Variants in FCHSD2 observed in about 807,000 individuals in gnomAD.
FCHSD2 encodes FCH and double SH3 domains 2, also known as F-BAR and double SH3 domains protein 2.
A neutral mutation model predicts 108.1 loss-of-function variants in FCHSD2; 38 were observed. That is an observed-to-expected ratio of 0.35 (90% CI 0.27 to 0.46). FCHSD2 has a LOEUF of 0.46. Ranked by LOEUF, FCHSD2 falls within the 20% of genes least tolerant of loss-of-function variation. FCHSD2 has a pLI of 1.00. For synonymous variants in FCHSD2, 279 were observed against 314.7 expected, an observed-to-expected ratio of 0.89 and a Z score of 1.20; for missense variants, 751 against 897.8, an observed-to-expected ratio of 0.84 and a Z score of 2.09.
At chr11:72,867,538 G>T (rs1854754753) in intron 13 of FCHSD2, among the ~76,000 whole-genome samples, 1 of 152,082 alleles carries the variant, frequency 6.6e-6, no homozygotes, top group Admixed American at 6.5e-5. Context: ...GAGAACTTCA[G>T]AGACACTAGA....
intron 8 of FCHSD2, among the ~76,000 whole-genome samples, chr11:72,946,606 C>T (rs1030684343): frequency 4.6e-5 from 7 of 152,048 alleles, no homozygotes; most frequent in African/African-American, 1.2e-4. Context: ...TCAATACCTG[C>T]CAATATCCTC....
chr11:73,104,172 G>A (rs1237183716), intron 2 of FCHSD2, among the ~76,000 whole-genome samples: 1 of 152,236 alleles, frequency 6.6e-6, no homozygotes, highest in Non-Finnish European at 1.5e-5. Flanking sequence ...CTTGGCATTA[G>A]TGAGAAACAC....
intron 3 of FCHSD2, among the ~76,000 whole-genome samples, chr11:73,067,844 A>G (rs1859333226): frequency 6.6e-6 from 1 of 152,212 alleles, no homozygotes; most frequent in African/African-American, 2.4e-5. Flanking sequence ...GCATTAGTCC[A>G]TTTTCACACT....
intron 3 of FCHSD2, among the ~76,000 whole-genome samples, chr11:73,058,158 C>T (rs975906312): frequency 7.2e-5 from 11 of 152,088 alleles, no homozygotes; most frequent in African/African-American, 2.7e-4. Flanking sequence ...GGATTACAGG[C>T]GTGAGCCACT....
chr11:72,883,718 C>T (rs1485966537), intron 12 of FCHSD2, among the ~76,000 whole-genome samples: 1 of 152,074 alleles, frequency 6.6e-6, no homozygotes, highest in African/African-American at 2.4e-5. Flanking sequence ...GATTGCTTGA[C>T]CCACGAGTTT....
intron 12 of FCHSD2, among the ~76,000 whole-genome samples, chr11:72,877,643 T>C (rs1242966237): frequency 1.3e-5 from 2 of 152,242 alleles, no homozygotes; most frequent in Non-Finnish European, 2.9e-5. Flanking sequence ...TTCAATAGTT[T>C]ACTATTAATA....
chr11:72,847,432 C>T (rs562995711), intron 14 of FCHSD2, among the ~76,000 whole-genome samples: 41 of 152,296 alleles, frequency 2.7e-4, no homozygotes, highest in African/African-American at 9.4e-4. Context: ...TGGGCATTGT[C>T]CTAGGGGCTG....
intron 9 of FCHSD2, among the ~76,000 whole-genome samples, chr11:72,907,137 G>T (rs1256387940): frequency 1.3e-5 from 2 of 151,968 alleles, no homozygotes; most frequent in Non-Finnish European, 2.9e-5. Flanking sequence ...TCATTATTTG[G>T]CTCTCTATTA....
chr11:72,883,900 C>T (rs1292412600), intron 12 of FCHSD2, among the ~76,000 whole-genome samples: 2 of 150,710 alleles, frequency 1.3e-5, no homozygotes, highest in East Asian at 1.9e-4. Flanking sequence ...CCACTGCACT[C>T]CAGCCTGGGT....
At chr11:73,064,979 A>G (rs2135491995) in intron 3 of FCHSD2, among the ~76,000 whole-genome samples, 1 of 152,296 alleles carries the variant, frequency 6.6e-6, no homozygotes, top group African/African-American at 2.4e-5. Context: ...ACAATAGAAA[A>G]AGAGGGAATC....
intron 12 of FCHSD2, among the ~76,000 whole-genome samples, chr11:72,876,285 C>A (rs1350126608): frequency 2.0e-5 from 3 of 152,144 alleles, no homozygotes; most frequent in Non-Finnish European, 4.4e-5. Flanking sequence ...AGTTGTGCCA[C>A]TGCAGTCCAG....
intron 2 of FCHSD2, among the ~76,000 whole-genome samples, chr11:73,090,128 G>A (rs1430327515): frequency 1.3e-5 from 2 of 149,622 alleles, no homozygotes; most frequent in Non-Finnish European, 3.0e-5. Flanking sequence ...AAGATCTAAT[G>A]TTAAGTAAAC....
chr11:73,072,900 T>G (rs573617798), intron 3 of FCHSD2, among the ~76,000 whole-genome samples: 3 of 152,148 alleles, frequency 2.0e-5, no homozygotes, highest in African/African-American at 7.2e-5. Flanking sequence ...AGAGTAAAAA[T>G]AGCAAAAAAT....
At chr11:73,056,060 T>TA (rs1180028103) in intron 3 of FCHSD2, among the ~76,000 whole-genome samples, 1 of 151,916 alleles carries the variant, frequency 6.6e-6, no homozygotes, top group Non-Finnish European at 1.5e-5. Context: ...CCCCACCCCA[T>TA]AAAAAAAACT....
intron 4 of FCHSD2, among the ~76,000 whole-genome samples, chr11:73,004,908 T>TGGCAG (rs1306779580): frequency 6.6e-6 from 1 of 152,188 alleles, no homozygotes; most frequent in Non-Finnish European, 1.5e-5. Flanking sequence ...CAGCCAACAG[T>TGGCAG]GGCACTATCA....
At chr11:73,103,537 T>C (rs1276661394) in intron 2 of FCHSD2, among the ~76,000 whole-genome samples, 3 of 152,208 alleles carry the variant, frequency 2.0e-5, no homozygotes, top group Non-Finnish European at 2.9e-5. Flanking sequence ...TTGCTAACTA[T>C]ATTACATTGA....
Position 72,969,799 on chromosome 11 carries a change from A to T in FCHSD2, c.705+14289T>A, listed in dbSNP as rs528992350. ...ATGTTATTTGTGATAAAGAAGCAAA[A>T]TTCTTAGGCTTAAGTGATTTATTGG... On this transcript the variant is annotated intron_variant, in intron 8 of 19. Transcript: ENST00000409418. Among the ~76,000 whole-genome samples, 25 of 152,294 alleles carry T rather than the reference A, an allele frequency of 1.6e-4. 1 individual carries two copies. In the South Asian group the frequency reaches 2.3e-3, roughly 14 times the overall value.
chr11:72,936,232 T>C (rs1453575895), intron 8 of FCHSD2, among the ~76,000 whole-genome samples: 1 of 152,208 alleles, frequency 6.6e-6, no homozygotes, highest in Non-Finnish European at 1.5e-5. Flanking sequence ...GAATTTCATC[T>C]ATCTCCCTTG....
At chr11:72,965,324 T>C (rs1856887922) in intron 8 of FCHSD2, among the ~76,000 whole-genome samples, 1 of 152,206 alleles carries the variant, frequency 6.6e-6, no homozygotes, top group South Asian at 2.1e-4. Flanking sequence ...CCAGGAAAAC[T>C]AAATTTGATT....
Sources: gnomAD v4.1 joint callset for allele counts (sites outside exome capture counted in the v4.1 genomes callset) on GRCh38, gnomAD v4.1.1 for gene constraint, MANE v1.5 for transcripts, NCBI Gene and HGNC (gene_info 2026-07-23, HGNC 2026-07-21) for gene names.